Variants in JARID2 observed in about 807,000 individuals in gnomAD.
JARID2 encodes the protein protein Jumonji.
In JARID2, 21 loss-of-function variants were observed where a neutral mutation model predicts 125.6. The observed-to-expected ratio is 0.17, with a 90% CI of 0.12 to 0.24. The LOEUF (loss-of-function observed/expected upper bound fraction) is 0.24. Ranked by LOEUF, JARID2 falls within the 10% of genes least tolerant of loss-of-function variation. The pLI is 1.00. For missense variants in JARID2, 1,303 were observed against 1,639.6 expected (o/e 0.79, Z 3.55); for synonymous variants, 736 against 661.6 (o/e 1.11, Z -1.73).
intron 4 of JARID2, among the ~76,000 whole-genome samples, chr6:15,454,524 C>G (rs186242156): frequency 2.9e-4 from 44 of 152,282 alleles, no homozygotes; most frequent in Middle Eastern, 3.4e-3. Context: ...TTGTCCACTT[C>G]TGGAGTGCAG....
intron 16 of JARID2, among the ~76,000 whole-genome samples, chr6:15,514,901 T>A (rs1217078881): frequency 6.6e-6 from 1 of 152,116 alleles, no homozygotes; most frequent in Non-Finnish European, 1.5e-5. Flanking sequence ...TCTGTCTGGT[T>A]TTTTCCCCCA....
chr6:15,468,260 C>A (rs563407896), intron 4 of JARID2, among the ~76,000 whole-genome samples: 145 of 149,270 alleles, frequency 9.7e-4, no homozygotes, highest in Non-Finnish European at 1.7e-3. Context: ...TTTTTTGTTC[C>A]ATCCTTGGAG....
chr6:15,435,070 T>G (rs1185326232), intron 3 of JARID2, among the ~76,000 whole-genome samples: 2 of 152,222 alleles, frequency 1.3e-5, no homozygotes, highest in Non-Finnish European at 2.9e-5. Flanking sequence ...TAGTTTCCTG[T>G]TTTTCAAACT....
chr6:15,444,783 C>G (rs891377814), intron 3 of JARID2, among the ~76,000 whole-genome samples: 15 of 143,454 alleles, frequency 1.0e-4, no homozygotes, highest in African/African-American at 3.4e-4. Context: ...CCCTCCCACC[C>G]TTTCCTTGCC....
At position 15,320,843 on chromosome 6, in the gene JARID2, T is replaced by C. The variant is rs868831817; in HGVS notation, c.46-53274T>C. 1.6e-3 allele frequency among the ~76,000 whole-genome samples: 228 copies of C among 142,702 alleles called. 1 individual carries two copies. Among genetic ancestry groups the C allele is most frequent in the African/African-American group, 6.1e-3 (215 of 35,292 alleles). The allele number at this position is 142,702 out of a possible 152,430, so 93.6% of individuals were successfully genotyped here. A position where few individuals can be genotyped will look rare whatever the true frequency, so the allele number is the denominator to read the frequency against. On this transcript the variant is annotated intron_variant, in intron 1 of 17. Coordinates refer to ENST00000341776, the MANE Select transcript of JARID2 (RefSeq NM_004973.4). ...CCATGCAAGAATATGATTCATTCTC[T>C]CTCTCTCTCTGTGTGTGTGTGTGTG... is the stretch of plus-strand genomic sequence containing the variant.
At chr6:15,288,585 A>G (rs1314305438) in intron 1 of JARID2, among the ~76,000 whole-genome samples, 1 of 152,172 alleles carries the variant, frequency 6.6e-6, no homozygotes, top group African/African-American at 2.4e-5. Flanking sequence ...GTGGGATTTT[A>G]TATGTTAGCT....
At position 15,290,706 on chromosome 6, in the gene JARID2, C is replaced by T. The variant is rs568763621; in HGVS notation, c.45+44122C>T. 2.0e-5 allele frequency among the ~76,000 whole-genome samples: 3 copies of T among 152,290 alleles called. 1 individual carries two copies. The highest frequency in any genetic ancestry group is 2.0e-4 in the Admixed American group (3 of 15,296). On this transcript the variant is annotated intron_variant, in intron 1 of 17. Coordinates refer to ENST00000341776, the MANE Select transcript of JARID2 (RefSeq NM_004973.4). ...CAATCTTGGCTCACTGCAAGCTCCA[C>T]CTCCCGGGTTCATGCCATTCTCCTG...
At chr6:15,497,867 G>A (rs925237442) in intron 7 of JARID2, among the ~76,000 whole-genome samples, 2 of 152,086 alleles carry the variant, frequency 1.3e-5, no homozygotes, top group African/African-American at 2.4e-5. Flanking sequence ...GGTTTCTCCC[G>A]AAACCAACAA....
intron 2 of JARID2, among the ~76,000 whole-genome samples, chr6:15,391,663 C>T (rs180920209): frequency 9.2e-5 from 14 of 152,302 alleles, no homozygotes; most frequent in Admixed American, 9.1e-4. Flanking sequence ...CCATCTCAAG[C>T]AATATTGAAT....
chr6:15,509,765 G>A lies in JARID2; in HGVS notation c.2846+1311G>A, dbSNP rs114110917. ...CCTCAGGCCCGAGTTTCTTCCGTGTGGGTTTGCTTATGGCTTGACGTTGAG... is the reference window on the plus strand; with the variant it reads ...CCTCAGGCCCGAGTTTCTTCCGTGTAGGTTTGCTTATGGCTTGACGTTGAG... On this transcript the variant is annotated intron_variant, in intron 12 of 17. Coordinates refer to ENST00000341776, the MANE Select transcript of JARID2 (RefSeq NM_004973.4). Among the ~76,000 whole-genome samples the A allele has an allele frequency of 1.8e-3, 274 of 152,344 alleles. 3 individuals are homozygous for A. The Middle Eastern group carries it at 0.024, about 13-fold the overall frequency.
rs1770484334 is a variant in JARID2, at chr6:15,497,137, CAG to C, written c.1913_1914del (p.Gln638ArgfsTer14). 6.4e-7 allele frequency: 1 copy of C among 1,556,232 alleles called. No individual in the cohort carries two copies. The highest frequency in any genetic ancestry group is 8.7e-7 in the Non-Finnish European group (1 of 1,150,184). ...CTGCATCAAGAAGCACCTCAAATCT[CAG>C]GGCATCACCATGGACGAGCTCCCGC... is the stretch of plus-strand genomic sequence containing the variant. ...LACIKKHLKSQGITMDELPLI... is the reference protein window; with the variant it reads ...LACIKKHLKSXGITMDELPLI... On this transcript the variant is annotated frameshift_variant, in exon 7 of 18. Transcript: ENST00000341776. LOFTEE classifies it high-confidence loss of function.
At chr6:15,516,013 C>T (rs1241571348) in intron 16 of JARID2, among the ~76,000 whole-genome samples, 2 of 151,398 alleles carry the variant, frequency 1.3e-5, no homozygotes, top group Admixed American at 6.6e-5. Flanking sequence ...AAAAAAAACC[C>T]GTTATAAATC....
intron 3 of JARID2, among the ~76,000 whole-genome samples, chr6:15,442,637 A>C (rs772330304): frequency 7.9e-5 from 12 of 152,216 alleles, no homozygotes; most frequent in Non-Finnish European, 1.5e-4. Flanking sequence ...GGCGGCGCAG[A>C]CAGCCTTCCA....
chr6:15,340,476 G>A (rs111513561), intron 1 of JARID2, among the ~76,000 whole-genome samples: 2 of 152,216 alleles, frequency 1.3e-5, no homozygotes, highest in African/African-American at 4.8e-5. Flanking sequence ...ATGAAAAGTA[G>A]TTGTGATTCC....
intron 3 of JARID2, among the ~76,000 whole-genome samples, chr6:15,416,032 C>G (rs1265145546): frequency 6.6e-6 from 1 of 151,782 alleles, no homozygotes; most frequent in Non-Finnish European, 1.5e-5. Context: ...GGTAGAGGCG[C>G]TCCTCACATC....
chr6:15,277,677 A>G (rs988173192), intron 1 of JARID2, among the ~76,000 whole-genome samples: 1 of 152,130 alleles, frequency 6.6e-6, no homozygotes, highest in African/African-American at 2.4e-5. Flanking sequence ...AGTAGCTGTT[A>G]CTGAAGCATT....
intron 1 of JARID2, among the ~76,000 whole-genome samples, chr6:15,352,316 T>A (rs964513982): frequency 6.6e-6 from 1 of 152,158 alleles, no homozygotes; most frequent in Non-Finnish European, 1.5e-5. Context: ...CCCCCGCCTC[T>A]CCACCCCGTT....
At chr6:15,360,090 G>A (rs1319338218) in intron 1 of JARID2, among the ~76,000 whole-genome samples, 1 of 151,892 alleles carries the variant, frequency 6.6e-6, no homozygotes, top group East Asian at 1.9e-4. Flanking sequence ...TCAGAGAATG[G>A]CTCTTGAGTA....
chr6:15,369,421 C>A (rs936328880), intron 1 of JARID2: 17 of 341,314 alleles, frequency 5.0e-5, no homozygotes, highest in Non-Finnish European at 7.3e-5. Flanking sequence ...TTAAAAGGAG[C>A]CATCACTTCT....
Sources: gnomAD v4.1 joint callset for allele counts (sites outside exome capture counted in the v4.1 genomes callset) on GRCh38, gnomAD v4.1.1 for gene constraint, MANE v1.5 for transcripts, NCBI Gene and HGNC (gene_info 2026-07-23, HGNC 2026-07-21) for gene names.